MAP3K15: variants seen among roughly 807,000 people sequenced by gnomAD.
MAP3K15 encodes MAPK/ERK kinase kinase 15.
Under a neutral mutation model 99.5 loss-of-function variants are expected in MAP3K15, and 124 were observed. The observed-to-expected ratio is 1.25, with a 90% confidence interval of 1.08 to 1.45. The LOEUF is 1.45. MAP3K15 is among the 40% of genes most tolerant of loss of function. The probability of loss-of-function intolerance (pLI) is 0.00; values close to 1 mark genes in which losing one functional copy is unlikely to be tolerated. For missense variants in MAP3K15, 1,242 were observed against 1,079.7 expected (o/e 1.15, Z -2.11); for synonymous variants, 494 against 439.6 (o/e 1.12, Z -1.55).
intron 18 of MAP3K15, among the ~76,000 whole-genome samples, chrX:19,389,608 A>AT (rs775276132): frequency 1.8e-5 from 2 of 112,528 alleles, no homozygotes; most frequent in African/African-American, 6.5e-5. Flanking sequence ...ACACCCCTGC[A>AT]TTCTTTTGCA....
At chrX:19,482,104 C>G (rs961394473) in intron 3 of MAP3K15, 1 of 101,636 alleles carries the variant, frequency 9.8e-6, no homozygotes, top group Admixed American at 1.1e-4. Flanking sequence ...CACTTGAACC[C>G]GGGAGACAGA....
chrX:19,395,066 A>G lies in MAP3K15; in HGVS notation c.2194+15T>C. The G allele has an allele frequency of 8.3e-7, 1 of 1,203,337 alleles. No individual in the cohort carries two copies. The highest frequency in any genetic ancestry group is 1.8e-5 in the South Asian group (1 of 56,530). ...GATTTTCAGAATGTGAGACCAGAAG[A>G]CAGCGACTACTCACCTCCAGGCACC... is the stretch of plus-strand genomic sequence containing the variant. On this transcript the variant is annotated intron_variant, in intron 16 of 28. Transcript: ENST00000338883.
At chrX:19,459,279 T>C (rs1203508066) in intron 5 of MAP3K15, among the ~76,000 whole-genome samples, 2 of 111,951 alleles carry the variant, frequency 1.8e-5, no homozygotes, top group African/African-American at 3.2e-5. Context: ...TTTCCTCATG[T>C]GTAAAATGTG....
At chrX:19,451,507 T>C (rs2064038815) in intron 6 of MAP3K15, among the ~76,000 whole-genome samples, 1 of 105,970 alleles carries the variant, frequency 9.4e-6, no homozygotes, top group African/African-American at 3.4e-5. Flanking sequence ...TTTTAAAAAA[T>C]TGGGCAAAGA....
rs184092197 is a variant in MAP3K15, at chrX:19,362,642, G to A, written c.3679+96C>T. 8.9e-3 allele frequency: 4,747 copies of A among 532,155 alleles called. 186 individuals are homozygous for A. In the African/African-American group the frequency reaches 0.099, roughly 11 times the overall value. 43.9% of individuals were successfully genotyped at this position (532,155 alleles called of 1,213,427 possible). ...GAGAAGTAGTCTAGAATCTACTGGA[G>A]TCCTGGATTAACAGAAGATAACCTC... On this transcript the variant is annotated intron_variant, in intron 26 of 28. Coordinates refer to ENST00000338883, the MANE Select transcript of MAP3K15 (RefSeq NM_001001671.4).
rs1471672735 is a variant in MAP3K15 at position 19,360,067 on chromosome X, AC to A, written c.*681del. 3 of 189,914 alleles carry A rather than the reference AC, an allele frequency of 1.6e-5. No individual in the cohort carries two copies. The highest frequency in any genetic ancestry group is 2.9e-5 in the Non-Finnish European group (3 of 103,442). 15.7% of individuals were successfully genotyped at this position (189,914 alleles called of 1,213,427 possible). ...CGCGCTGACCATTTCTCTACAAGAT[AC>A]AATATTTATTATCAGGCAAGAGGAC... On this transcript the variant is annotated 3_prime_UTR_variant, in exon 29 of 29. Transcript: ENST00000338883.
At chrX:19,416,710 T>G (rs1296716693) in intron 9 of MAP3K15, among the ~76,000 whole-genome samples, 1 of 112,061 alleles carries the variant, frequency 8.9e-6, no homozygotes, top group Non-Finnish European at 1.9e-5. Flanking sequence ...GTCACTGCAG[T>G]TGTCAGTGGT....
chrX:19,420,368 C>A (rs1339807521), intron 9 of MAP3K15, among the ~76,000 whole-genome samples: 4 of 111,531 alleles, frequency 3.6e-5, no homozygotes, highest in Admixed American at 1.9e-4. Context: ...ACCACTGATC[C>A]CACAGAAATA....
intron 12 of MAP3K15, among the ~76,000 whole-genome samples, chrX:19,407,570 G>GGT: frequency 8.9e-6 from 1 of 112,005 alleles, no homozygotes; most frequent in East Asian, 2.8e-4. Flanking sequence ...AATAAAATAT[G>GGT]GTTCTCTGTC....
At chrX:19,423,175 A>T (rs1404532877) in intron 9 of MAP3K15, among the ~76,000 whole-genome samples, 1 of 110,911 alleles carries the variant, frequency 9.0e-6, no homozygotes, top group African/African-American at 3.3e-5. Context: ...TTAAAGTATA[A>T]TAAGAAAAAA....
rs923068813 is a variant in MAP3K15 at position 19,492,599 on chromosome X, C to T, written c.362-3632G>A. On this transcript the variant is annotated intron_variant, in intron 1 of 28. Coordinates refer to ENST00000338883, the MANE Select transcript of MAP3K15 (RefSeq NM_001001671.4). ...ATTTGCTTAGAGTCAAGATAATGCG[C>T]CACTGCAGCTGAGTAAATTAGACAT... Among the ~76,000 whole-genome samples the T allele has an allele frequency of 2.7e-5, 3 of 111,530 alleles. No individual in the cohort carries two copies. In the East Asian group the frequency reaches 8.4e-4, roughly 31 times the overall value.
At chrX:19,369,867 A>G (rs1202390933) in intron 24 of MAP3K15, among the ~76,000 whole-genome samples, 1 of 110,324 alleles carries the variant, frequency 9.1e-6, no homozygotes, top group Non-Finnish European at 1.9e-5. Context: ...GCGAGATCGC[A>G]TCATTGCACT....
In MAP3K15 at chrX:19,512,699, T is replaced by C. The variant is rs748857971; in HGVS notation, c.361+2202A>G. On this transcript the variant is annotated intron_variant, in intron 1 of 28. Transcript: ENST00000338883. ...GTCTTGAACTCCTGTACTCAAGCAATCCTCCCGCCTTGGCCTTCCAAAGGG... is the reference window on the plus strand; with the variant it reads ...GTCTTGAACTCCTGTACTCAAGCAACCCTCCCGCCTTGGCCTTCCAAAGGG... Among the ~76,000 whole-genome samples, 8 of 87,096 alleles carry C rather than the reference T, an allele frequency of 9.2e-5. No individual in the cohort carries two copies. The South Asian group carries it at 5.0e-3, about 55-fold the overall frequency. The allele number at this position is 87,096 out of a possible 115,157, so 75.6% of individuals were successfully genotyped here.
At chrX:19,461,992 A>AACAC (rs66666219) in intron 4 of MAP3K15, among the ~76,000 whole-genome samples, 1,991 of 100,471 alleles carry the variant, frequency 0.02, 80 homozygotes, top group African/African-American at 0.072. Context: ...CTTGGTCTAA[A>AACAC]ACACACACAC....
chrX:19,501,644 A>G (rs1257853284), intron 1 of MAP3K15, among the ~76,000 whole-genome samples: 1 of 112,453 alleles, frequency 8.9e-6, no homozygotes, highest in Non-Finnish European at 1.9e-5. Flanking sequence ...GTGCCCACTG[A>G]TGATTATTTT....
intron 3 of MAP3K15, among the ~76,000 whole-genome samples, chrX:19,474,137 CA>C (rs1400861652): frequency 8.9e-6 from 1 of 112,047 alleles, no homozygotes; most frequent in Non-Finnish European, 1.9e-5. Flanking sequence ...GAGCAATTTA[CA>C]CTCCCACCCA....
intron 22 of MAP3K15, among the ~76,000 whole-genome samples, 190 bp downstream of exon 22, chrX:19,372,463 C>G (rs2063382296): frequency 8.9e-6 from 1 of 112,390 alleles, no homozygotes; most frequent in Non-Finnish European, 1.9e-5. Context: ...TTCGGCAGAG[C>G]TTTTTTTCTT....
chrX:19,379,175 T>A (rs896161758), intron 19 of MAP3K15, among the ~76,000 whole-genome samples: 2 of 110,872 alleles, frequency 1.8e-5, no homozygotes, highest in African/African-American at 6.6e-5. Context: ...TATACGTGAA[T>A]CTTTTAAACG....
At chrX:19,456,884 A>C in intron 6 of MAP3K15, 29 bp downstream of exon 6, 12 of 1,074,373 alleles carry the variant, frequency 1.1e-5, no homozygotes, top group Non-Finnish European at 1.5e-5. Flanking sequence ...GGCATGTTTC[A>C]AAACCTGTAC....
Sources: gnomAD v4.1 joint callset for allele counts (sites outside exome capture counted in the v4.1 genomes callset) on GRCh38, gnomAD v4.1.1 for gene constraint, MANE v1.5 for transcripts, NCBI Gene and HGNC (gene_info 2026-07-23, HGNC 2026-07-21) for gene names.